Variants in KIAA0319 observed in about 807,000 individuals in gnomAD.
KIAA0319 encodes the protein dyslexia-associated protein KIAA0319.
In KIAA0319, 83 loss-of-function variants were observed where a neutral mutation model predicts 108.4. The ratio of observed to expected loss-of-function variants is 0.77; its 90% confidence interval spans 0.64 to 0.92. KIAA0319 has a LOEUF of 0.92. KIAA0319 is among the 40% of genes least tolerant of loss of function. The probability of loss-of-function intolerance (pLI) is 0.00; values close to 1 mark genes in which losing one functional copy is unlikely to be tolerated. For synonymous variants in KIAA0319, 484 were observed against 510.4 expected, an observed-to-expected ratio of 0.95 and a Z score of 0.70; for missense variants, 1,195 against 1,322.4, an observed-to-expected ratio of 0.90 and a Z score of 1.49.
At chr6:24,553,247 T>C (rs1243041703) in intron 19 of KIAA0319, among the ~76,000 whole-genome samples, 1 of 147,244 alleles carries the variant, frequency 6.8e-6, no homozygotes, top group Non-Finnish European at 1.5e-5. Context: ...TTGAGACCTG[T>C]AAGGCCACTT....
chr6:24,628,267 C>G (rs975401958), intron 1 of KIAA0319, among the ~76,000 whole-genome samples: 4 of 152,060 alleles, frequency 2.6e-5, no homozygotes, highest in Non-Finnish European at 5.9e-5. Flanking sequence ...ATTTTCCCAC[C>G]TTTTTAAGAA....
rs1362119679 is a variant in KIAA0319 at position 24,623,024 on chromosome 6, G to A, written c.-105-21816C>T. On this transcript the variant is annotated intron_variant, in intron 1 of 20. Coordinates refer to ENST00000378214, the MANE Select transcript of KIAA0319 (RefSeq NM_014809.4). ...ACTGCACTCTAGCCTGGGCAACAGAGTGAGGCTCCATCTCATTAAAAGAAA... is the reference window on the plus strand; with the variant it reads ...ACTGCACTCTAGCCTGGGCAACAGAATGAGGCTCCATCTCATTAAAAGAAA... Among the ~76,000 whole-genome samples, 3 of 151,982 alleles carry A rather than the reference G, an allele frequency of 2.0e-5. No homozygotes were observed. In the East Asian group the frequency reaches 5.8e-4, roughly 29 times the overall value.
chr6:24,566,851 A>T lies in KIAA0319; in HGVS notation c.2141-103T>A, dbSNP rs997295113. On this transcript the variant is annotated intron_variant, in intron 13 of 20. Coordinates refer to ENST00000378214, the MANE Select transcript of KIAA0319 (RefSeq NM_014809.4). ...TCCACAACTCTTCCACCTTGCAGAT[A>T]CAGTATGTAGAATTAAAATATCCAA... is the stretch of plus-strand genomic sequence containing the variant. 3.6e-6 allele frequency: 4 copies of T among 1,098,126 alleles called. No individual in the cohort carries two copies. In the African/African-American group the frequency reaches 6.3e-5, roughly 17 times the overall value. The allele number at this position is 1,098,126 out of a possible 1,614,324, so 68.0% of individuals were successfully genotyped here. A position where few individuals can be genotyped will look rare whatever the true frequency, so the allele number is the denominator to read the frequency against.
At chr6:24,567,014 A>T (rs1261265793) in intron 13 of KIAA0319, among the ~76,000 whole-genome samples, 2 of 152,184 alleles carry the variant, frequency 1.3e-5, no homozygotes, top group Non-Finnish European at 2.9e-5. Context: ...TAATATTGTT[A>T]TACCTTTTCT....
chr6:24,626,482 A>T (rs1774733681), intron 1 of KIAA0319, among the ~76,000 whole-genome samples: 1 of 152,200 alleles, frequency 6.6e-6, no homozygotes, highest in Non-Finnish European at 1.5e-5. Flanking sequence ...CAGTGAGCAG[A>T]GATCGTGCCA....
chr6:24,563,226 TA>T, intron 16 of KIAA0319, 132 bp downstream of exon 16: 1 of 983,346 alleles, frequency 1.0e-6, no homozygotes, highest in Middle Eastern at 3.0e-4. Flanking sequence ...AGAAAAAAAG[TA>T]TATGAATGGG....
chr6:24,623,354 G>C (rs771755351), intron 1 of KIAA0319, among the ~76,000 whole-genome samples: 3 of 152,100 alleles, frequency 2.0e-5, no homozygotes, highest in Non-Finnish European at 2.9e-5. Flanking sequence ...AAAGAACAGA[G>C]ACAATAGAGG....
chr6:24,557,574 T>C (rs1284679251), intron 17 of KIAA0319, among the ~76,000 whole-genome samples: 1 of 152,188 alleles, frequency 6.6e-6, no homozygotes, highest in Non-Finnish European at 1.5e-5. Context: ...TGGAGTGCAA[T>C]GGCAATTATT....
At chr6:24,635,828 G>A (rs537445020) in intron 1 of KIAA0319, among the ~76,000 whole-genome samples, 221 of 139,278 alleles carry the variant, frequency 1.6e-3, no homozygotes, top group Non-Finnish European at 3.5e-3. Context: ...ACAAATAAAT[G>A]CTAATAAATG....
Position 24,571,170 on chromosome 6 carries a change from C to T in KIAA0319, c.1859-1135G>A, listed in dbSNP as rs140159485. 1.1e-3 allele frequency among the ~76,000 whole-genome samples: 159 copies of T among 149,576 alleles called. 1 individual carries two copies. The East Asian group carries it at 0.028, about 26-fold the overall frequency. ...TCATGCCACTGCACTCCAGCCTAGA[C>T]GACAGAGTGAGACTCTGTCTCGAGG... is the stretch of plus-strand genomic sequence containing the variant. On this transcript the variant is annotated intron_variant, in intron 11 of 20. Transcript: ENST00000378214.
intron 1 of KIAA0319, among the ~76,000 whole-genome samples, chr6:24,618,760 T>G (rs1168660547): frequency 6.9e-6 from 1 of 145,914 alleles, no homozygotes; most frequent in African/African-American, 2.5e-5. Flanking sequence ...AAATATAAAA[T>G]GAAATGTTTA....
intron 1 of KIAA0319, among the ~76,000 whole-genome samples, chr6:24,630,710 T>TATATATATATATATATACAC (rs373537245): frequency 1.4e-4 from 19 of 138,676 alleles, no homozygotes; most frequent in African/African-American, 5.7e-4. Context: ...TATACACATA[T>TATATATATATATATATACAC]ACACACAAAC....
At chr6:24,567,184 C>CA (rs35022786) in intron 13 of KIAA0319, among the ~76,000 whole-genome samples, 1 of 150,466 alleles carries the variant, frequency 6.6e-6, no homozygotes, top group East Asian at 2.0e-4. Flanking sequence ...CTCTCTAAGA[C>CA]AAAAAAAAAG....
At chr6:24,553,153 G>C (rs2817250) in intron 19 of KIAA0319, among the ~76,000 whole-genome samples, 44,166 of 150,984 alleles carry the variant, frequency 0.29, 7,769 homozygotes, top group African/African-American at 0.49. Flanking sequence ...AAATGATTCA[G>C]GTGGATTCGA....
chr6:24,599,400 A>G lies in KIAA0319; in HGVS notation c.55+1649T>C. The G allele has an allele frequency of 1.8e-6, 1 of 547,656 alleles. No individual in the cohort carries two copies. The highest frequency in any genetic ancestry group is 3.5e-6 in the Non-Finnish European group (1 of 284,350). The allele number at this position is 547,656 out of a possible 1,614,324, so 33.9% of individuals were successfully genotyped here. A position where few individuals can be genotyped will look rare whatever the true frequency, so the allele number is the denominator to read the frequency against. ...TGGGGAGCTGGCCATTAAGGATGCCAATGCCAAGCTGTCCAAGCTGGAGGC... is the reference window on the plus strand; with the variant it reads ...TGGGGAGCTGGCCATTAAGGATGCCGATGCCAAGCTGTCCAAGCTGGAGGC... On this transcript the variant is annotated intron_variant, in intron 2 of 20. Coordinates refer to ENST00000378214, the MANE Select transcript of KIAA0319 (RefSeq NM_014809.4). The surrounding 1 kb of genome is among the most constrained non-coding windows in gnomAD (Gnocchi z 4.1).
intron 1 of KIAA0319, among the ~76,000 whole-genome samples, chr6:24,637,514 G>C (rs1052852556): frequency 6.6e-6 from 1 of 152,196 alleles, no homozygotes; most frequent in African/African-American, 2.4e-5. Flanking sequence ...CAACTGCATT[G>C]ATGTAGTAAA....
chr6:24,602,661 C>T (rs1582173269), intron 1 of KIAA0319, among the ~76,000 whole-genome samples: 2 of 152,032 alleles, frequency 1.3e-5, no homozygotes, highest in Admixed American at 1.3e-4. Context: ...ATTAGCTGGG[C>T]GTGGTGGCGG....
intron 1 of KIAA0319, among the ~76,000 whole-genome samples, chr6:24,614,891 C>T (rs879624333): frequency 1.4e-4 from 22 of 152,112 alleles, no homozygotes; most frequent in Non-Finnish European, 2.4e-4. Context: ...CTCAGCATCT[C>T]GTTGCCTGGT....
intron 2 of KIAA0319, chr6:24,598,471 T>C (rs569924231): frequency 2.0e-6 from 1 of 509,606 alleles, no homozygotes; most frequent in Admixed American, 2.2e-5. Context: ...CATCAACCTA[T>C]GGCAGCAGCT....
Sources: gnomAD v4.1 joint callset for allele counts (sites outside exome capture counted in the v4.1 genomes callset) on GRCh38, gnomAD v4.1.1 for gene constraint, Gnocchi (gnomAD v3.1) non-coding constraint, MANE v1.5 for transcripts, NCBI Gene and HGNC (gene_info 2026-07-23, HGNC 2026-07-21) for gene names.